Variants in ARHGAP28 observed in about 807,000 individuals in gnomAD.
ARHGAP28 encodes the protein Rho GTPase activating protein 28, also known as rho GTPase-activating protein 28.
In ARHGAP28, 56 loss-of-function variants were observed where a neutral mutation model predicts 90.7. The ratio of observed to expected loss-of-function variants is 0.62; its 90% CI spans 0.50 to 0.77. The LOEUF (loss-of-function observed/expected upper bound fraction) is 0.77. Among genes scored for constraint, ARHGAP28 ranks in the 30% least tolerant of loss-of-function variants. The probability of loss-of-function intolerance (pLI) is 0.00; values close to 1 mark genes in which losing one functional copy is unlikely to be tolerated. For missense variants in ARHGAP28, 869 were observed against 900.9 expected, an observed-to-expected ratio of 0.96 and a Z score of 0.45; for synonymous variants, 308 against 323.3, an observed-to-expected ratio of 0.95 and a Z score of 0.51.
At chr18:6,749,195 A>AGTAG (rs1282115547) in intron 1 of ARHGAP28, among the ~76,000 whole-genome samples, 2 of 152,234 alleles carry the variant, frequency 1.3e-5, no homozygotes, top group African/African-American at 4.8e-5. Flanking sequence ...TTATCCATTC[A>AGTAG]GTAGGCCATA....
intron 10 of ARHGAP28, among the ~76,000 whole-genome samples, chr18:6,876,706 ATT>A (rs2057133871): frequency 6.6e-6 from 1 of 152,180 alleles, no homozygotes; most frequent in Admixed American, 6.5e-5. Flanking sequence ...TCTTACAGGA[ATT>A]TGTAGCAATG....
Position 6,841,171 on chromosome 18 carries a change from TCTCTCTCTC to T in ARHGAP28, c.543+3767_543+3775del, listed in dbSNP as rs1265877535. Among the ~76,000 whole-genome samples, 183 of 57,438 alleles carry T rather than the reference TCTCTCTCTC, an allele frequency of 3.2e-3. 1 individual carries two copies. The highest frequency in any genetic ancestry group is 8.5e-3 in the African/African-American group (147 of 17,262). 37.7% of individuals were successfully genotyped at this position (57,438 alleles called of 152,430 possible). A position where few individuals can be genotyped will look rare whatever the true frequency, so the allele number is the denominator to read the frequency against. ...CTCTCTCCTCTTTCTCTCTCTCCTC[TCTCTCTCTC>T]CTCTCTCTCTCTCTCTCTCTCTCCT... On this transcript the variant is annotated intron_variant, in intron 3 of 17. Coordinates refer to ENST00000383472, the MANE Select transcript of ARHGAP28 (RefSeq NM_001366230.1).
intron 3 of ARHGAP28, among the ~76,000 whole-genome samples, chr18:6,849,163 C>T (rs765455816): frequency 4.7e-5 from 7 of 149,526 alleles, no homozygotes; most frequent in Non-Finnish European, 7.4e-5. Context: ...GAGGCTGACA[C>T]GGGAGGATCC....
At chr18:6,757,578 C>T (rs960450797) in intron 1 of ARHGAP28, among the ~76,000 whole-genome samples, 9 of 152,094 alleles carry the variant, frequency 5.9e-5, no homozygotes, top group Non-Finnish European at 8.8e-5. Context: ...CATTTGAAGT[C>T]GTGGTCAATG....
At position 6,892,724 on chromosome 18, in the gene ARHGAP28, T is replaced by C. The variant is rs368726947; in HGVS notation, c.1849-2111T>C. On this transcript the variant is annotated intron_variant, in intron 14 of 17. Transcript: ENST00000383472. ...CTGATTTTGTAAAGTCTGTATTCTT[T>C]GTTTTGTGTGACTATGGAAGTCTGT... Among the ~76,000 whole-genome samples, 44 of 152,358 alleles carry C rather than the reference T, an allele frequency of 2.9e-4. No homozygotes were observed. In the South Asian group the frequency reaches 4.6e-3, roughly 16 times the overall value.
At chr18:6,876,819 TA>T (rs1176542603) in intron 10 of ARHGAP28, among the ~76,000 whole-genome samples, 1 of 152,234 alleles carries the variant, frequency 6.6e-6, no homozygotes, top group Admixed American at 6.5e-5. Flanking sequence ...GTGTGAATCT[TA>T]TTCTTTTGCT....
intron 1 of ARHGAP28, among the ~76,000 whole-genome samples, chr18:6,818,615 A>T (rs879467337): frequency 6.6e-6 from 1 of 152,190 alleles, no homozygotes; most frequent in South Asian, 2.1e-4. Flanking sequence ...AACTGGAGGA[A>T]TGCTACATTA....
At chr18:6,820,102 A>G (rs886093109) in intron 1 of ARHGAP28, among the ~76,000 whole-genome samples, 7 of 152,242 alleles carry the variant, frequency 4.6e-5, no homozygotes, top group African/African-American at 1.7e-4. Flanking sequence ...ACATATTAAC[A>G]GCATAGATAC....
intron 2 of ARHGAP28, among the ~76,000 whole-genome samples, chr18:6,826,831 G>T (rs1302376879): frequency 5.9e-5 from 9 of 152,136 alleles, no homozygotes; most frequent in Non-Finnish European, 1.3e-4. Flanking sequence ...AGAGGACCCT[G>T]CGGCCTTCCG....
chr18:6,823,676 A>C (rs189299404), intron 1 of ARHGAP28, among the ~76,000 whole-genome samples: 3 of 148,374 alleles, frequency 2.0e-5, no homozygotes, highest in Admixed American at 6.8e-5. Context: ...CCTGTAACAT[A>C]TTTTCTAGTA....
intron 1 of ARHGAP28, among the ~76,000 whole-genome samples, chr18:6,792,454 G>A (rs902079858): frequency 6.6e-6 from 1 of 152,192 alleles, no homozygotes; most frequent in South Asian, 2.1e-4. Context: ...GCAAGGATTT[G>A]AAAGTCCTGC....
At chr18:6,743,259 T>G (rs2055995112) in intron 1 of ARHGAP28, among the ~76,000 whole-genome samples, 1 of 152,240 alleles carries the variant, frequency 6.6e-6, no homozygotes, top group Non-Finnish European at 1.5e-5. Context: ...TAAAATCCTT[T>G]GATAATACGT....
At chr18:6,775,118 A>C (rs2056273469) in intron 1 of ARHGAP28, among the ~76,000 whole-genome samples, 1 of 152,230 alleles carries the variant, frequency 6.6e-6, no homozygotes, top group Admixed American at 6.5e-5. Flanking sequence ...ATTGTCATAC[A>C]TACAGCTACC....
At chr18:6,841,188 T>TTTCTCTCTCTC in intron 3 of ARHGAP28, among the ~76,000 whole-genome samples, 1 of 60,506 alleles carries the variant, frequency 1.7e-5, no homozygotes, top group South Asian at 7.2e-4. Flanking sequence ...CTCCTCTCTC[T>TTTCTCTCTCTC]CTCTCTCTCT....
chr18:6,904,012 G>C (rs1027912623), intron 16 of ARHGAP28, among the ~76,000 whole-genome samples: 1 of 152,024 alleles, frequency 6.6e-6, no homozygotes, highest in Non-Finnish European at 1.5e-5. Context: ...AACTAAACCA[G>C]ATACTTCTAG....
intron 1 of ARHGAP28, chr18:6,790,240 T>C (rs765570160): frequency 8.5e-5 from 13 of 152,352 alleles, no homozygotes; most frequent in Non-Finnish European, 1.3e-4. Flanking sequence ...ATAGGCTAGA[T>C]ACCTTAAGTA....
intron 1 of ARHGAP28, among the ~76,000 whole-genome samples, chr18:6,764,892 A>T (rs2056188468): frequency 6.6e-6 from 1 of 152,184 alleles, no homozygotes; most frequent in Non-Finnish European, 1.5e-5. Context: ...CGCTTAACCA[A>T]AAAGGCCTGT....
chr18:6,902,934 G>A (rs977145816), intron 16 of ARHGAP28, among the ~76,000 whole-genome samples: 2 of 152,046 alleles, frequency 1.3e-5, no homozygotes, highest in African/African-American at 2.4e-5. Context: ...ACAGATGAAC[G>A]GATAAGCAAA....
At chr18:6,739,625 A>T (rs9958628) in intron 1 of ARHGAP28, among the ~76,000 whole-genome samples, 7,383 of 149,100 alleles carry the variant, frequency 0.05, 581 homozygotes, top group African/African-American at 0.17. Flanking sequence ...TCTAGAGCAG[A>T]CATTCAAATT....
Sources: allele counts gnomAD v4.1 joint callset (sites outside exome capture counted in the v4.1 genomes callset), GRCh38; gene constraint gnomAD v4.1.1; transcripts MANE v1.5; gene names NCBI Gene and HGNC (gene_info 2026-07-23, HGNC 2026-07-21).